Variants in UBAP2 observed in about 807,000 individuals in gnomAD.
The protein encoded by UBAP2 is ubiquitin-associated protein 2.
A neutral mutation model predicts 139.6 loss-of-function variants in UBAP2; 75 were observed. That is an observed-to-expected ratio of 0.54 (90% CI 0.45 to 0.65). The LOEUF is 0.65. Among genes scored for constraint, UBAP2 ranks in the 30% least tolerant of loss-of-function variants. The pLI, the probability that UBAP2 is intolerant of heterozygous loss-of-function variation, is 0.00. For synonymous variants in UBAP2, 526 were observed against 526.2 expected (o/e 1.00, Z 0.01); for missense variants, 1,368 against 1,369.6 (o/e 1.00, Z 0.02).
intron 6 of UBAP2, among the ~76,000 whole-genome samples, chr9:33,977,659 G>A (rs996453246): frequency 1.3e-5 from 2 of 151,282 alleles, no homozygotes; most frequent in East Asian, 2.0e-4. Flanking sequence ...TTGAATGATT[G>A]TTCAAGGTTT....
In UBAP2 at chr9:34,034,569, A is replaced by T. The variant is rs533650908; in HGVS notation, c.-42+14256T>A. On this transcript the variant is annotated intron_variant, in intron 1 of 28. Coordinates refer to ENST00000379238, the MANE Select transcript of UBAP2 (RefSeq NM_001370062.2). ...CTAATGAGAAATACCCCACATCCTTATATGTCTAAAGAACCACTCAACTGG... is the reference window on the plus strand; with the variant it reads ...CTAATGAGAAATACCCCACATCCTTTTATGTCTAAAGAACCACTCAACTGG... Among the ~76,000 whole-genome samples, 8 of 152,282 alleles carry T rather than the reference A, an allele frequency of 5.3e-5. No homozygotes were observed. The South Asian group carries it at 1.5e-3, about 28-fold the overall frequency.
At chr9:33,972,628 T>C (rs1038571875) in intron 7 of UBAP2, among the ~76,000 whole-genome samples, 1 of 152,092 alleles carries the variant, frequency 6.6e-6, no homozygotes, top group East Asian at 1.9e-4. Flanking sequence ...TGGGAGCTAA[T>C]GTTTTAGAAG....
chr9:33,943,777 T>C (rs112462053), intron 14 of UBAP2, among the ~76,000 whole-genome samples, 188 bp from the exon 15 acceptor site: 3 of 152,048 alleles, frequency 2.0e-5, no homozygotes, highest in Admixed American at 6.5e-5. Context: ...TAAGAAAAAT[T>C]AAAAGTTGGC....
At position 33,932,607 on chromosome 9, in the gene UBAP2, G is replaced by A; in HGVS notation, c.2130C>T (p.Ser710=). ...AGAGGGCTGCATGTGCAGAGAGGCT[G>A]CTCTGGTGGCTGGAGAGCGAACTAG... The part of the protein sequence containing the change: ...QLSSSLSSHQ[S]SLSAHAALSS... Residue 710 remains serine, a synonymous_variant, in exon 19 of 29, where the codon AGC becomes AGT. Coordinates refer to ENST00000379238, the MANE Select transcript of UBAP2 (RefSeq NM_001370062.2). 1 of 1,614,080 alleles carries A rather than the reference G, an allele frequency of 6.2e-7. No individual in the cohort carries two copies. Among genetic ancestry groups the A allele is most frequent in the East Asian group, 2.2e-5 (1 of 44,862 alleles).
chr9:33,943,809 G>A (rs903152161), intron 14 of UBAP2, among the ~76,000 whole-genome samples: 4 of 152,124 alleles, frequency 2.6e-5, no homozygotes, highest in Non-Finnish European at 2.9e-5. Context: ...GCTCATGCCT[G>A]TAATCCCAGG....
At chr9:34,014,403 G>A (rs1217954434) in intron 2 of UBAP2, among the ~76,000 whole-genome samples, 1 of 151,454 alleles carries the variant, frequency 6.6e-6, no homozygotes, top group Non-Finnish European at 1.5e-5. Flanking sequence ...GGCTAAGGGG[G>A]CAGTCACTTG....
intron 1 of UBAP2, among the ~76,000 whole-genome samples, chr9:34,020,154 A>T (rs1824796427): frequency 1.3e-5 from 2 of 150,824 alleles, no homozygotes; most frequent in Non-Finnish European, 3.0e-5. Context: ...CATTATTAAA[A>T]AAAAAAAAAA....
chr9:34,046,425 C>T lies in UBAP2; in HGVS notation c.-42+2400G>A, dbSNP rs541454840. On this transcript the variant is annotated intron_variant, in intron 1 of 28. Coordinates refer to ENST00000379238, the MANE Select transcript of UBAP2 (RefSeq NM_001370062.2). Reference sequence around the variant, plus strand: ...AGCACTTTGGGAGGCAGGCGGATCACGGGGTCAGGAGATCAAGACCATCCC... The same window carrying T: ...AGCACTTTGGGAGGCAGGCGGATCATGGGGTCAGGAGATCAAGACCATCCC... Among the ~76,000 whole-genome samples, 6 of 151,756 alleles carry T rather than the reference C, an allele frequency of 4.0e-5. 1 individual carries two copies. In the East Asian group the frequency reaches 1.2e-3, roughly 29 times the overall value.
At chr9:34,030,973 T>C (rs765348260) in intron 1 of UBAP2, among the ~76,000 whole-genome samples, 1 of 151,442 alleles carries the variant, frequency 6.6e-6, no homozygotes, top group Middle Eastern at 3.4e-3. Context: ...GGCTAGGCAC[T>C]GTAGCTCCTG....
chr9:33,949,169 AAAATAAAT>A (rs964089248), intron 12 of UBAP2, among the ~76,000 whole-genome samples: 3 of 150,878 alleles, frequency 2.0e-5, no homozygotes, highest in Non-Finnish European at 4.4e-5. Context: ...TCCATCTCAA[AAAATAAAT>A]AAATAAATAA....
At chr9:33,977,994 G>A (rs1202314136) in intron 6 of UBAP2, among the ~76,000 whole-genome samples, 2 of 137,228 alleles carry the variant, frequency 1.5e-5, no homozygotes, top group East Asian at 2.4e-4. Context: ...CAGCCTGGGC[G>A]ACAGAGCGAG....
intron 2 of UBAP2, among the ~76,000 whole-genome samples, chr9:34,001,412 G>C (rs1822689872): frequency 6.6e-6 from 1 of 152,178 alleles, no homozygotes; most frequent in South Asian, 2.1e-4. Flanking sequence ...AAAGCTTTTG[G>C]GAGCTGGTAA....
intron 6 of UBAP2, among the ~76,000 whole-genome samples, chr9:33,977,792 G>A (rs2781277): frequency 0.4 from 60,221 of 150,820 alleles, 12,372 homozygotes; most frequent in South Asian, 0.48. Flanking sequence ...TCTCCCGAGC[G>A]GCTGGGATTA....
chr9:33,988,538 T>C (rs1186543520), intron 5 of UBAP2, among the ~76,000 whole-genome samples: 1 of 152,212 alleles, frequency 6.6e-6, no homozygotes, highest in Non-Finnish European at 1.5e-5. Context: ...TGTCTATAAA[T>C]GGAGAATATA....
intron 6 of UBAP2, among the ~76,000 whole-genome samples, chr9:33,979,656 G>A (rs1054473243): frequency 7.2e-5 from 11 of 152,086 alleles, no homozygotes; most frequent in Non-Finnish European, 1.5e-4. Flanking sequence ...GCCGAGGCGG[G>A]CAGATCATGA....
At chr9:33,952,583 A>G (rs1034085877) in intron 12 of UBAP2, among the ~76,000 whole-genome samples, 2 of 152,232 alleles carry the variant, frequency 1.3e-5, no homozygotes. Context: ...ATGATTTTAT[A>G]GCAAGTCAAT....
intron 2 of UBAP2, chr9:34,011,508 A>T: frequency 2.1e-6 from 1 of 473,820 alleles, no homozygotes; most frequent in Non-Finnish European, 2.8e-6. Flanking sequence ...AACTTTAAGT[A>T]TTTTTTTTAA....
intron 6 of UBAP2, among the ~76,000 whole-genome samples, chr9:33,981,856 G>A (rs1820796915): frequency 7.3e-6 from 1 of 136,970 alleles, no homozygotes; most frequent in Admixed American, 7.1e-5. Flanking sequence ...AGGGAGGGAG[G>A]GAAGGAAGGA....
chr9:33,930,611 A>G (rs765651633), intron 19 of UBAP2, among the ~76,000 whole-genome samples: 21 of 152,134 alleles, frequency 1.4e-4, no homozygotes, highest in South Asian at 4.1e-4. Context: ...AAAAGGGCAG[A>G]TGATGGCCGG....
Sources: allele counts gnomAD v4.1 joint callset (sites outside exome capture counted in the v4.1 genomes callset), GRCh38; gene constraint gnomAD v4.1.1; transcripts MANE v1.5; gene names NCBI Gene and HGNC (gene_info 2026-07-23, HGNC 2026-07-21).